Variants in TUBGCP5 observed in about 807,000 individuals in gnomAD.
The protein encoded by TUBGCP5 is tubulin gamma complex component 5.
Under a neutral mutation model 134.7 loss-of-function variants are expected in TUBGCP5, and 98 were observed. The ratio of observed to expected loss-of-function variants is 0.73; its 90% CI spans 0.62 to 0.86. The LOEUF (loss-of-function observed/expected upper bound fraction) is 0.86. Ranked by LOEUF, TUBGCP5 falls within the 40% of genes least tolerant of loss-of-function variation. The pLI, the probability that TUBGCP5 is intolerant of heterozygous loss-of-function variation, is 0.00. For synonymous variants in TUBGCP5, 456 were observed against 431.4 expected, an observed-to-expected ratio of 1.06 and a Z score of -0.71; for missense variants, 1,150 against 1,244.8, an observed-to-expected ratio of 0.92 and a Z score of 1.15.
chr15:23,016,969 G>GAGATATATATAT (rs1555439437), intron 13 of TUBGCP5, among the ~76,000 whole-genome samples: 1 of 109,396 alleles, frequency 9.1e-6, no homozygotes, highest in African/African-American at 3.6e-5. Context: ...AAAATTGTGA[G>GAGATATATATAT]ATATATATAT....
In TUBGCP5 at chr15:23,027,208, T is replaced by G; in HGVS notation, c.721A>C (p.Asn241His). 1 of 1,613,124 alleles carries G rather than the reference T, an allele frequency of 6.2e-7. No individual in the cohort carries two copies. Among genetic ancestry groups the G allele is most frequent in the Non-Finnish European group, 8.5e-7 (1 of 1,179,458 alleles). Residue 241 changes from asparagine (N) to histidine (H), a missense_variant, in exon 7 of 23, where the codon AAT becomes CAT. This residue lies in a region of TUBGCP5 where 453 missense variants were observed against 394.7 expected (regional missense o/e 1.15). Transcript: ENST00000615383. ...GCTTCTTACCAGACAGCAGCTAAAT[T>G]AGAGTGCAAATGTAAACTATGAGGA... Reference protein sequence around the residue: ...QFPHSLHLHSNLAAVWDQHLY... With the variant: ...QFPHSLHLHSHLAAVWDQHLY...
chr15:23,012,872 G>A (rs927516986), intron 13 of TUBGCP5, among the ~76,000 whole-genome samples: 5 of 152,094 alleles, frequency 3.3e-5, no homozygotes, highest in African/African-American at 1.2e-4. Context: ...TTTAAGAGGC[G>A]GGTGGATCAG....
At chr15:22,994,392 A>G (rs1391295976), downstream of TUBGCP5, among the ~76,000 whole-genome samples, 2 of 151,570 alleles carry the variant, frequency 1.3e-5, no homozygotes, top group East Asian at 3.8e-4. Flanking sequence ...GCCTGGTCCC[A>G]GTCCATTTTA....
rs527868884 is a variant in TUBGCP5 at position 23,014,293 on chromosome 15, G to T, written c.1757-2962C>A. On this transcript the variant is annotated intron_variant, in intron 13 of 22. Transcript: ENST00000615383. ...GGTCTGAGAAACAGTTTCAGAGGCTGCCCTGGCAGGCATGTACCTAGGCTT... is the reference window on the plus strand; with the variant it reads ...GGTCTGAGAAACAGTTTCAGAGGCTTCCCTGGCAGGCATGTACCTAGGCTT... 4.6e-5 allele frequency among the ~76,000 whole-genome samples: 7 copies of T among 152,322 alleles called. No individual in the cohort carries two copies. The South Asian group carries it at 1.4e-3, about 32-fold the overall frequency.
At position 22,999,694 on chromosome 15, in the gene TUBGCP5, C is replaced by T; in HGVS notation, c.*126G>A. The T allele has an allele frequency of 9.4e-7, 1 of 1,063,318 alleles. No homozygotes were observed. Among genetic ancestry groups the T allele is most frequent in the Non-Finnish European group, 1.4e-6 (1 of 714,282 alleles). The allele number at this position is 1,063,318 out of a possible 1,614,324, so 65.9% of individuals were successfully genotyped here. On this transcript the variant is annotated 3_prime_UTR_variant, in exon 23 of 23. Transcript: ENST00000615383. ...GGGATTAGAGGCATGAGCGACTGTG[C>T]CAGGCTGACTGTGGACAAGTTTTAC... is the stretch of plus-strand genomic sequence containing the variant.
chr15:22,991,487 G>A (rs1171500677), intron 23 of TUBGCP5, among the ~76,000 whole-genome samples: 1 of 152,188 alleles, frequency 6.6e-6, no homozygotes, highest in African/African-American at 2.4e-5. Flanking sequence ...GTTTACTAGA[G>A]TTCTTCCTGT....
At position 23,005,474 on chromosome 15, in the gene TUBGCP5, G is replaced by A; in HGVS notation, c.2670C>T (p.Leu890=). Residue 890 remains leucine, a synonymous_variant, in exon 19 of 23, where the codon CTC becomes CTT. Transcript: ENST00000615383. ...TGTGCAAGCTGTTCACGAAATGCAT[G>A]AGCTTCACTCTTAAGAGGAACATGC... ...IHRMFLLRVK[L]MHFVNSLHNY... is the part of the protein sequence containing the mutation. The A allele has an allele frequency of 2.5e-6, 4 of 1,614,190 alleles. No homozygotes were observed. Among genetic ancestry groups the A allele is most frequent in the South Asian group, 1.1e-5 (1 of 91,084 alleles).
At chr15:23,024,309 A>G in intron 9 of TUBGCP5, 116 bp from the exon 10 acceptor site, 1 of 1,153,490 alleles carries the variant, frequency 8.7e-7, no homozygotes, top group South Asian at 1.8e-5. Context: ...TATGTTTAGT[A>G]GAAGACAAAG....
At chr15:23,004,345 C>A (rs2140421898) in intron 19 of TUBGCP5, 118 bp from the exon 20 acceptor site, 1 of 1,198,764 alleles carries the variant, frequency 8.3e-7, no homozygotes, top group Non-Finnish European at 1.2e-6. Context: ...TCAATAAGCA[C>A]ATCTAGACAG....
intron 8 of TUBGCP5, among the ~76,000 whole-genome samples, chr15:23,025,687 C>T (rs890121326): frequency 2.6e-5 from 4 of 151,834 alleles, no homozygotes; most frequent in African/African-American, 7.3e-5. Flanking sequence ...AAAAATTAGC[C>T]GGGCTTGGTG....
Position 23,003,653 on chromosome 15 carries a change from T to G in TUBGCP5, c.2838+449A>C, listed in dbSNP as rs1054274427. Reference sequence around the variant, plus strand: ...TTCTGTTTTTTTTTTTTTTTTTTTTTTTTTTTTTAAGAGACAAGGTCTTGC... The same window carrying G: ...TTCTGTTTTTTTTTTTTTTTTTTTTGTTTTTTTTAAGAGACAAGGTCTTGC... On this transcript the variant is annotated intron_variant, in intron 20 of 22. Coordinates refer to ENST00000615383, the MANE Select transcript of TUBGCP5 (RefSeq NM_052903.6). Among the ~76,000 whole-genome samples the G allele has an allele frequency of 5.3e-3, 693 of 129,996 alleles. 5 individuals are homozygous for G. The highest frequency in any genetic ancestry group is 6.0e-3 in the Non-Finnish European group (358 of 59,852). The allele number at this position is 129,996 out of a possible 152,430, so 85.3% of individuals were successfully genotyped here. A position where few individuals can be genotyped will look rare whatever the true frequency, so the allele number is the denominator to read the frequency against.
Position 23,009,955 on chromosome 15 carries a change from T to C in TUBGCP5, c.2134A>G (p.Lys712Glu). ...CCGNLMQTLK[K>E]DYRLVEYLQA... ...AAATTACTCTTTTACCTGTAATCTT[T>C]TTTTAGAGTTTGCATGAGATTTCCA... The change falls in exon 15 of 23, where the codon AAA becomes GAA. Residue 712 changes from lysine to glutamate, a missense_variant. Lys to Glu is a moderately conservative substitution (Grantham distance 56, BLOSUM62 1). Coordinates refer to ENST00000615383, the MANE Select transcript of TUBGCP5 (RefSeq NM_052903.6). 6.2e-7 allele frequency: 1 copy of C among 1,612,618 alleles called. No individual in the cohort carries two copies. The highest frequency in any genetic ancestry group is 8.5e-7 in the Non-Finnish European group (1 of 1,179,246).
At chr15:23,011,691 AG>A (rs2065041837) in intron 13 of TUBGCP5, among the ~76,000 whole-genome samples, 1 of 148,298 alleles carries the variant, frequency 6.7e-6, no homozygotes, top group South Asian at 2.1e-4. Context: ...TTTGTTTTTT[AG>A]TACAGACGGG....
intron 23 of TUBGCP5, among the ~76,000 whole-genome samples, chr15:22,990,900 A>T (rs370141514): frequency 6.6e-6 from 1 of 152,166 alleles, no homozygotes; most frequent in African/African-American, 2.4e-5. Flanking sequence ...CCACACAGCC[A>T]CAGTCATAGA....
intron 23 of TUBGCP5, among the ~76,000 whole-genome samples, chr15:22,987,377 T>G (rs1299369043): frequency 6.6e-6 from 1 of 151,812 alleles, no homozygotes; most frequent in Non-Finnish European, 1.5e-5. Context: ...GTCCTGTTTT[T>G]AGGTTTCTGT....
rs752842456 is a variant in TUBGCP5 at position 23,008,597 on chromosome 15, T to C, written c.2327+102A>G. The stretch of plus-strand genomic sequence containing the variant: ...AGTAAAATAATATTAGTAAAACTCA[T>C]AGGAATAGTGAGGATAAAATAATAT... On this transcript the variant is annotated intron_variant, in intron 16 of 22. Transcript: ENST00000615383. The C allele has an allele frequency of 4.4e-6, 6 of 1,362,434 alleles. No homozygotes were observed. The Admixed American group carries it at 7.0e-5, about 16-fold the overall frequency. 84.4% of individuals were successfully genotyped at this position (1,362,434 alleles called of 1,614,324 possible).
chr15:23,031,716 T>C (rs1403137047), intron 5 of TUBGCP5, among the ~76,000 whole-genome samples: 1 of 152,068 alleles, frequency 6.6e-6, no homozygotes, highest in Non-Finnish European at 1.5e-5. Context: ...CTCCTGCCTC[T>C]CGAAAGTGAG....
intron 23 of TUBGCP5, among the ~76,000 whole-genome samples, chr15:22,993,996 T>G (rs1393848197): frequency 1.3e-5 from 2 of 150,754 alleles, no homozygotes; most frequent in Non-Finnish European, 3.0e-5. Context: ...AAAAGATTAA[T>G]AAATGTTGCC....
Position 23,004,227 on chromosome 15 carries a change from T to A in TUBGCP5, c.2713A>T (p.Ile905Phe). ...AACTCCAGCCCTGTACTGTGTAGAA[T>A]CTTGGAAGAGAAAGATAAAAAGCTT... ...NSLHNYIMTRILHSTGLEFQH... is the reference protein window; with the variant it reads ...NSLHNYIMTRFLHSTGLEFQH... The change falls in exon 20 of 23, where the codon ATT (isoleucine) becomes TTT (phenylalanine). Residue 905 changes from isoleucine to phenylalanine, a missense_variant and splice_region_variant. Ile to Phe is a conservative substitution (Grantham distance 21). Around this residue, in one of 2 missense-constraint regions of TUBGCP5, gnomAD observed 697 missense variants for 850.1 expected, o/e 0.82. Coordinates refer to ENST00000615383, the MANE Select transcript of TUBGCP5 (RefSeq NM_052903.6). 1 of 1,604,422 alleles carries A rather than the reference T, an allele frequency of 6.2e-7. No individual in the cohort carries two copies. Among genetic ancestry groups the A allele is most frequent in the Non-Finnish European group, 8.5e-7 (1 of 1,177,598 alleles).
Sources: allele counts gnomAD v4.1 joint callset (sites outside exome capture counted in the v4.1 genomes callset), GRCh38; gene constraint gnomAD v4.1.1; regional missense constraint gnomAD v4.1.1; transcripts MANE v1.5; gene names NCBI Gene and HGNC (gene_info 2026-07-23, HGNC 2026-07-21).